The following CWC27 variants were observed in gnomAD, a reference collection of about 807,000 sequenced individuals.
The protein encoded by CWC27 is spliceosome-associated protein CWC27 homolog.
Under a neutral mutation model 63.6 loss-of-function variants are expected in CWC27, and 47 were observed. The observed-to-expected ratio is 0.74, with a 90% CI of 0.58 to 0.94. CWC27 has a LOEUF of 0.94. Ranked by LOEUF, CWC27 falls within the 40% of genes least tolerant of loss-of-function variation. The probability of loss-of-function intolerance (pLI) is 0.00; values close to 1 mark genes in which losing one functional copy is unlikely to be tolerated. For synonymous variants in CWC27, 175 were observed against 179.8 expected, an observed-to-expected ratio of 0.97 and a Z score of 0.22; for missense variants, 495 against 554.3, an observed-to-expected ratio of 0.89 and a Z score of 1.07.
Position 64,934,871 on chromosome 5 carries a change from T to G in CWC27, c.1043-36832T>G, listed in dbSNP as rs6897660. On this transcript the variant is annotated intron_variant, in intron 11 of 13. Transcript: ENST00000381070. The stretch of plus-strand genomic sequence containing the variant: ...ATGACCAGTGATGATGAGCTTTTTT[T>G]CATATGTTTGTTGTCTGCATAAATG... 9.3e-3 allele frequency among the ~76,000 whole-genome samples: 1,410 copies of G among 152,342 alleles called. 16 individuals carry two copies. The highest frequency in any genetic ancestry group is 0.033 in the African/African-American group (1,353 of 41,574).
intron 10 of CWC27, among the ~76,000 whole-genome samples, chr5:64,847,345 T>C (rs905438726): frequency 4.6e-5 from 7 of 152,294 alleles, no homozygotes; most frequent in African/African-American, 1.7e-4. Flanking sequence ...ACAACAATTA[T>C]AAATATGTTT....
At chr5:64,821,346 T>A (rs1434822394) in intron 10 of CWC27, among the ~76,000 whole-genome samples, 2 of 152,136 alleles carry the variant, frequency 1.3e-5, no homozygotes, top group African/African-American at 4.8e-5. Context: ...GCCAACAAAG[T>A]AATTTTTTAA....
intron 13 of CWC27, among the ~76,000 whole-genome samples, chr5:65,016,736 TTCAAAA>T (rs1349790935): frequency 6.6e-6 from 1 of 152,210 alleles, no homozygotes; most frequent in Non-Finnish European, 1.5e-5. Context: ...TTTAGGATTC[TTCAAAA>T]TCTAGGTATA....
At position 64,787,727 on chromosome 5, in the gene CWC27, G is replaced by A. The variant is rs150233177; in HGVS notation, c.599+1100G>A. Among the ~76,000 whole-genome samples, 621 of 152,002 alleles carry A rather than the reference G, an allele frequency of 4.1e-3. 3 individuals are homozygous for A. Among genetic ancestry groups the A allele is most frequent in the African/African-American group, 0.014 (581 of 41,490 alleles). On this transcript the variant is annotated intron_variant, in intron 6 of 13. Coordinates refer to ENST00000381070, the MANE Select transcript of CWC27 (RefSeq NM_005869.4). Reference sequence around the variant, plus strand: ...ATATACTGCAGAGTTAGATTTCAACGTACTCTTTTACTGAATCGTAGGATC... The same window carrying A: ...ATATACTGCAGAGTTAGATTTCAACATACTCTTTTACTGAATCGTAGGATC...
At chr5:64,916,075 C>G (rs1172084497) in intron 11 of CWC27, among the ~76,000 whole-genome samples, 1 of 152,218 alleles carries the variant, frequency 6.6e-6, no homozygotes, top group African/African-American at 2.4e-5. Flanking sequence ...ATACCTTTGG[C>G]TGTTCCTTTT....
At chr5:64,892,275 A>C (rs1247824010) in intron 11 of CWC27, among the ~76,000 whole-genome samples, 1 of 152,206 alleles carries the variant, frequency 6.6e-6, no homozygotes, top group Non-Finnish European at 1.5e-5. Context: ...TCCTATTACT[A>C]ATATCTGTGT....
intron 10 of CWC27, among the ~76,000 whole-genome samples, chr5:64,850,686 A>C (rs1257331761): frequency 6.6e-6 from 1 of 152,192 alleles, no homozygotes; most frequent in African/African-American, 2.4e-5. Flanking sequence ...AATGTCTAAA[A>C]TATATAAGGA....
intron 13 of CWC27, among the ~76,000 whole-genome samples, chr5:64,980,639 G>A (rs1402228196): frequency 2.0e-5 from 3 of 152,016 alleles, no homozygotes; most frequent in Non-Finnish European, 4.4e-5. Flanking sequence ...CAGTATAATG[G>A]TCTGTCTGCC....
rs1211082437 is a variant in CWC27, at chr5:64,937,921, C to CTTTTTTTTTTTTTTTT, written c.1043-33778_1043-33763dup. 2.4e-4 allele frequency among the ~76,000 whole-genome samples: 24 copies of CTTTTTTTTTTTTTTTT among 99,298 alleles called. 2 individuals carry two copies. The highest frequency in any genetic ancestry group is 9.8e-4 in the African/African-American group (22 of 22,540). The allele number at this position is 99,298 out of a possible 152,430, so 65.1% of individuals were successfully genotyped here. ...TCAGAGACTGGGATTGCAATCTCTG[C>CTTTTTTTTTTTTTTTT]TTTTTTTTTTTTTTTTTTTGCTTTC... On this transcript the variant is annotated intron_variant, in intron 11 of 13. Transcript: ENST00000381070.
chr5:64,963,391 C>T (rs1393674438), intron 11 of CWC27, among the ~76,000 whole-genome samples: 1 of 152,062 alleles, frequency 6.6e-6, no homozygotes, highest in Admixed American at 6.6e-5. Flanking sequence ...AATTCAATGA[C>T]CCAGTTTATG....
chr5:64,898,128 A>G (rs1329276899), intron 11 of CWC27, among the ~76,000 whole-genome samples: 2 of 152,212 alleles, frequency 1.3e-5, no homozygotes, highest in Non-Finnish European at 2.9e-5. Flanking sequence ...CACATAATGG[A>G]CCATAAAGAA....
At chr5:64,994,831 A>T (rs148487792) in intron 13 of CWC27, among the ~76,000 whole-genome samples, 4 of 152,352 alleles carry the variant, frequency 2.6e-5, no homozygotes, top group Non-Finnish European at 5.9e-5. Context: ...TGTCATAAAT[A>T]ACAGATATAT....
chr5:64,952,978 T>C (rs1241386161), intron 11 of CWC27, among the ~76,000 whole-genome samples: 1 of 152,150 alleles, frequency 6.6e-6, no homozygotes, highest in Non-Finnish European at 1.5e-5. Context: ...ACAAAACCCA[T>C]GGAGAAGTCC....
chr5:64,884,741 C>T (rs766675970), intron 10 of CWC27, among the ~76,000 whole-genome samples: 4 of 152,146 alleles, frequency 2.6e-5, no homozygotes, highest in Non-Finnish European at 4.4e-5. Context: ...CTTTGCAAGG[C>T]ATGAATTTGA....
chr5:64,889,083 T>C (rs1165143217), intron 11 of CWC27, among the ~76,000 whole-genome samples: 1 of 152,114 alleles, frequency 6.6e-6, no homozygotes, highest in Non-Finnish European at 1.5e-5. Context: ...CTACAAAGTA[T>C]CTAACCAAAA....
At chr5:64,973,230 G>C (rs899889620) in intron 12 of CWC27, among the ~76,000 whole-genome samples, 5 of 152,208 alleles carry the variant, frequency 3.3e-5, no homozygotes, top group African/African-American at 1.2e-4. Context: ...ATGTTAAGGA[G>C]TTTAGAATTT....
chr5:64,853,460 T>A (rs1007116423), intron 10 of CWC27, among the ~76,000 whole-genome samples: 2 of 152,228 alleles, frequency 1.3e-5, no homozygotes, highest in Non-Finnish European at 2.9e-5. Flanking sequence ...TATTTTTAAT[T>A]ATGGTAATAT....
intron 10 of CWC27, among the ~76,000 whole-genome samples, chr5:64,821,396 T>C: frequency 6.6e-6 from 1 of 152,124 alleles, no homozygotes; most frequent in East Asian, 1.9e-4. Flanking sequence ...CCAAAGATAA[T>C]AGATGAGGCA....
intron 1 of CWC27, among the ~76,000 whole-genome samples, chr5:64,771,350 A>T (rs987051768): frequency 8.5e-5 from 13 of 152,186 alleles, no homozygotes; most frequent in African/African-American, 2.9e-4. Context: ...AATGGGACAA[A>T]ATTCCTCCCT....
Sources: allele counts gnomAD v4.1 joint callset (sites outside exome capture counted in the v4.1 genomes callset), GRCh38; gene constraint gnomAD v4.1.1; transcripts MANE v1.5; gene names NCBI Gene and HGNC (gene_info 2026-07-23, HGNC 2026-07-21).